SVEP1: variants seen among roughly 807,000 people sequenced by gnomAD.
SVEP1 encodes the protein sushi, von Willebrand factor type A, EGF and pentraxin domain-containing protein 1.
In SVEP1, 164 loss-of-function variants were observed where a neutral mutation model predicts 367.3. The ratio of observed to expected loss-of-function variants is 0.45; its 90% confidence interval spans 0.39 to 0.51. SVEP1 has a LOEUF of 0.51. Ranked by LOEUF, SVEP1 falls within the 20% of genes least tolerant of loss-of-function variation. SVEP1 has a pLI of 0.00. For synonymous variants in SVEP1, 1,666 were observed against 1,611.6 expected (o/e 1.03, Z -0.81); for missense variants, 4,117 against 4,425.3 (o/e 0.93, Z 1.98).
At chr9:110,505,811 T>C (rs1319981769) in intron 5 of SVEP1, among the ~76,000 whole-genome samples, 1 of 144,504 alleles carries the variant, frequency 6.9e-6, no homozygotes, top group Non-Finnish European at 1.6e-5. Context: ...TCTTATTTTC[T>C]TTTCTCTCTT....
chr9:110,507,727 T>C (rs1349950351), intron 5 of SVEP1, among the ~76,000 whole-genome samples: 3 of 152,228 alleles, frequency 2.0e-5, no homozygotes, highest in Non-Finnish European at 4.4e-5. Flanking sequence ...TTGACTTTTA[T>C]TGAGTGTGTC....
chr9:110,496,204 T>C (rs1829443908), intron 8 of SVEP1, among the ~76,000 whole-genome samples: 1 of 152,172 alleles, frequency 6.6e-6, no homozygotes, highest in South Asian at 2.1e-4. Context: ...GAGCGTCAAC[T>C]TGATTGGATT....
chr9:110,455,702 G>A lies in SVEP1; in HGVS notation c.3675C>T (p.Gly1225=), dbSNP rs763060285. The change falls in exon 22 of 48, where the codon GGC becomes GGT. Residue 1225 remains glycine, a splice_region_variant and synonymous_variant. Transcript: ENST00000374469. ...CATCGATGTCTGTTTCACACTTTAA[G>A]CCTACAATGTAAACCAAATGCTGAG... ...YVCLCPLGYT[G]LKCETDIDEC... 6.2e-7 allele frequency: 1 copy of A among 1,609,474 alleles called. No homozygotes were observed. The highest frequency in any genetic ancestry group is 8.5e-7 in the Non-Finnish European group (1 of 1,177,860).
intron 3 of SVEP1, among the ~76,000 whole-genome samples, chr9:110,525,816 T>C (rs1181635756): frequency 7.9e-5 from 12 of 152,102 alleles, no homozygotes; most frequent in Admixed American, 6.6e-4. Context: ...CTGGGATACA[T>C]GTGCAGAATG....
chr9:110,465,007 G>T (rs1287308966), intron 18 of SVEP1, among the ~76,000 whole-genome samples: 1 of 151,844 alleles, frequency 6.6e-6, no homozygotes, highest in African/African-American at 2.4e-5. Flanking sequence ...CCCTCAGTAG[G>T]GATGTTAGTC....
chr9:110,463,592 A>G (rs1308397332), intron 18 of SVEP1, among the ~76,000 whole-genome samples: 1 of 151,464 alleles, frequency 6.6e-6, no homozygotes, highest in Non-Finnish European at 1.5e-5. Flanking sequence ...AAGGAAGGAA[A>G]GAAAGAAAGG....
intron 5 of SVEP1, among the ~76,000 whole-genome samples, chr9:110,506,000 G>A (rs1829621006): frequency 6.6e-6 from 1 of 152,030 alleles, no homozygotes; most frequent in Admixed American, 6.6e-5. Context: ...TCCAGTGTGT[G>A]ATGTTCCCCT....
intron 8 of SVEP1, among the ~76,000 whole-genome samples, chr9:110,493,956 G>A (rs1238832526): frequency 6.6e-6 from 1 of 152,128 alleles, no homozygotes; most frequent in Admixed American, 6.6e-5. Context: ...CAAAGCCACT[G>A]ATGGCAGATT....
intron 36 of SVEP1, among the ~76,000 whole-genome samples, chr9:110,427,147 A>G (rs940284425): frequency 6.6e-6 from 1 of 151,914 alleles, no homozygotes; most frequent in Non-Finnish European, 1.5e-5. Context: ...AAAATACAAA[A>G]AGTAGCCGGG....
chr9:110,407,630 A>G lies in SVEP1; in HGVS notation c.7970T>C (p.Val2657Ala), dbSNP rs1480369616. The G allele has an allele frequency of 6.2e-7, 1 of 1,613,882 alleles. No individual in the cohort carries two copies. Among genetic ancestry groups the G allele is most frequent in the Non-Finnish European group, 8.5e-7 (1 of 1,179,890 alleles). The change falls in exon 38 of 48, where the codon GTG (valine) becomes GCG (alanine). Residue 2657 changes from valine to alanine, a missense_variant. Coordinates refer to ENST00000374469, the MANE Select transcript of SVEP1 (RefSeq NM_153366.4). ...CTTTGTATTTTCCCAGGTTTTAGCCACTGCTCCCAAATGATAAGGAGGGTG... is the reference window on the plus strand; with the variant it reads ...CTTTGTATTTTCCCAGGTTTTAGCCGCTGCTCCCAAATGATAAGGAGGGTG... Reference protein sequence around the residue: ...TPHPPYHLGAVAKTWENTKES... With the variant: ...TPHPPYHLGAAAKTWENTKES...
chr9:110,503,927 C>G lies in SVEP1; in HGVS notation c.1304-710G>C, dbSNP rs573254453. On this transcript the variant is annotated intron_variant, in intron 5 of 47. Transcript: ENST00000374469. ...TTATTAAGCATAGTAATATGCCCAG[C>G]TAAAAGATTACAACTCTCCACCTCT... Among the ~76,000 whole-genome samples, 21 of 152,334 alleles carry G rather than the reference C, an allele frequency of 1.4e-4. No homozygotes were observed. The South Asian group carries it at 3.9e-3, about 29-fold the overall frequency.
intron 17 of SVEP1, 36 bp downstream of exon 17, chr9:110,468,904 G>C (rs1294877125): frequency 6.7e-7 from 1 of 1,502,736 alleles, no homozygotes; most frequent in Non-Finnish European, 8.9e-7. Flanking sequence ...ACAAAAATTG[G>C]GCTGCTTCTA....
At chr9:110,400,178 G>T (rs1470010904) in intron 40 of SVEP1, among the ~76,000 whole-genome samples, 3 of 152,176 alleles carry the variant, frequency 2.0e-5, no homozygotes, top group Admixed American at 6.5e-5. Context: ...TCCTGGCTTT[G>T]CATACCTAAA....
At chr9:110,369,375 T>C (rs1243014808) in intron 47 of SVEP1, among the ~76,000 whole-genome samples, 2 of 152,216 alleles carry the variant, frequency 1.3e-5, no homozygotes, top group Admixed American at 6.5e-5. Context: ...ATGCTACGCA[T>C]AGAAACACTA....
intron 8 of SVEP1, among the ~76,000 whole-genome samples, chr9:110,496,141 T>C (rs1829442905): frequency 6.6e-6 from 1 of 152,238 alleles, no homozygotes; most frequent in African/African-American, 2.4e-5. Context: ...AGATGCCGCA[T>C]TCACATTTAC....
intron 5 of SVEP1, among the ~76,000 whole-genome samples, chr9:110,503,804 T>G (rs1829578301): frequency 6.6e-6 from 1 of 152,148 alleles, no homozygotes; most frequent in Non-Finnish European, 1.5e-5. Flanking sequence ...CAATCATAGC[T>G]CATGATACGA....
chr9:110,397,025 G>A (rs1827773497), intron 40 of SVEP1, among the ~76,000 whole-genome samples: 2 of 152,050 alleles, frequency 1.3e-5, no homozygotes, highest in East Asian at 3.9e-4. Context: ...CCAAAGCCTG[G>A]CAGAGACACA....
At chr9:110,545,563 T>TA (rs1830209809) in intron 3 of SVEP1, among the ~76,000 whole-genome samples, 1 of 152,204 alleles carries the variant, frequency 6.6e-6, no homozygotes, top group Admixed American at 6.5e-5. Context: ...TGCATTTTTT[T>TA]ATGTGTAAAT....
At chr9:110,556,213 G>A (rs781333129) in intron 1 of SVEP1, among the ~76,000 whole-genome samples, 7 of 151,932 alleles carry the variant, frequency 4.6e-5, no homozygotes, top group Non-Finnish European at 1.0e-4. Flanking sequence ...GCAGGGTTGT[G>A]TAATATTGTT....
Sources: gnomAD v4.1 joint callset for allele counts (sites outside exome capture counted in the v4.1 genomes callset) on GRCh38, gnomAD v4.1.1 for gene constraint, MANE v1.5 for transcripts, NCBI Gene and HGNC (gene_info 2026-07-23, HGNC 2026-07-21) for gene names.